The following NBEA variants were observed in gnomAD, a reference collection of about 807,000 sequenced individuals.
NBEA encodes neurobeachin.
Under a neutral mutation model 343.4 loss-of-function variants are expected in NBEA, and 44 were observed. The observed-to-expected ratio is 0.13, with a 90% CI of 0.10 to 0.16. The LOEUF (loss-of-function observed/expected upper bound fraction) is 0.16. Among genes scored for constraint, NBEA ranks in the 10% least tolerant of loss-of-function variants. The pLI is 1.00. For missense variants in NBEA, 2,555 were observed against 3,631.3 expected (o/e 0.70, Z 7.62); for synonymous variants, 1,175 against 1,238.7 (o/e 0.95, Z 1.08).
At chr13:35,048,915 T>G (rs2062961138) in intron 5 of NBEA, among the ~76,000 whole-genome samples, 2 of 151,876 alleles carry the variant, frequency 1.3e-5, no homozygotes, top group Non-Finnish European at 2.9e-5. Context: ...AATTACAGTT[T>G]AAAAGTCAAA....
chr13:35,360,454 G>T (rs2040746589), intron 38 of NBEA, among the ~76,000 whole-genome samples: 1 of 151,952 alleles, frequency 6.6e-6, no homozygotes, highest in Admixed American at 6.6e-5. Flanking sequence ...TATTATAAAT[G>T]TCCAGGATAC....
At chr13:35,648,343 C>A (rs1230898619) in intron 51 of NBEA, among the ~76,000 whole-genome samples, 1 of 152,040 alleles carries the variant, frequency 6.6e-6, no homozygotes, top group African/African-American at 2.4e-5. Flanking sequence ...GCCGTATAAA[C>A]CCCTCAGCCA....
intron 46 of NBEA, among the ~76,000 whole-genome samples, chr13:35,588,309 T>A (rs9574191): frequency 0.24 from 36,688 of 151,938 alleles, 4,891 homozygotes; most frequent in East Asian, 0.35. Flanking sequence ...TATTTATCCT[T>A]ATGGTCCAGG....
rs2036192007 is a variant in NBEA, at chr13:35,297,203, T to C, written c.5838+6753T>C. On this transcript the variant is annotated intron_variant, in intron 35 of 58. Transcript: ENST00000379939. ...AATGAAACCAACATGGTTGTTCCTG[T>C]ACCTCATATCTTCCCAATTATTTCA... Among the ~76,000 whole-genome samples, 3 of 152,140 alleles carry C rather than the reference T, an allele frequency of 2.0e-5. No individual in the cohort carries two copies. In the South Asian group the frequency reaches 6.2e-4, roughly 31 times the overall value.
intron 41 of NBEA, among the ~76,000 whole-genome samples, chr13:35,524,860 G>T (rs1009311458): frequency 1.3e-5 from 2 of 152,114 alleles, no homozygotes; most frequent in Non-Finnish European, 2.9e-5. Flanking sequence ...CAGCACACAA[G>T]GTATTGCAAG....
intron 41 of NBEA, among the ~76,000 whole-genome samples, chr13:35,478,357 C>T (rs1444241632): frequency 6.6e-6 from 1 of 152,190 alleles, no homozygotes; most frequent in Admixed American, 6.5e-5. Context: ...CCCACTTTGC[C>T]GTCATCGCGG....
intron 55 of NBEA, 123 bp from the exon 56 acceptor site, chr13:35,664,962 G>T: frequency 1.5e-6 from 1 of 684,616 alleles, no homozygotes; most frequent in African/African-American, 1.8e-5. Context: ...CTGGCTCATG[G>T]TCACACAGCT....
At chr13:35,443,054 C>A (rs564532663) in intron 39 of NBEA, among the ~76,000 whole-genome samples, 1 of 151,950 alleles carries the variant, frequency 6.6e-6, no homozygotes, top group Non-Finnish European at 1.5e-5. Flanking sequence ...TTCTTAAATT[C>A]CAATCAATTG....
At chr13:35,510,822 A>G (rs1266409330) in intron 41 of NBEA, among the ~76,000 whole-genome samples, 3 of 152,200 alleles carry the variant, frequency 2.0e-5, no homozygotes, top group Non-Finnish European at 4.4e-5. Flanking sequence ...AAAGTCCAGT[A>G]AGATTTATTA....
At chr13:35,550,685 G>A in intron 42 of NBEA, 91 bp downstream of exon 42, 2 of 800,046 alleles carry the variant, frequency 2.5e-6, no homozygotes, top group South Asian at 3.4e-5. Flanking sequence ...TTTTCCTACT[G>A]TATTTCTGAT....
chr13:35,230,990 G>T (rs1301587358), intron 33 of NBEA, among the ~76,000 whole-genome samples: 1 of 152,004 alleles, frequency 6.6e-6, no homozygotes, highest in Non-Finnish European at 1.5e-5. Flanking sequence ...GGAGGTCCTT[G>T]CTTTAGGAAT....
At chr13:35,566,177 AT>A (rs1319436170) in intron 44 of NBEA, among the ~76,000 whole-genome samples, 1 of 152,160 alleles carries the variant, frequency 6.6e-6, no homozygotes, top group African/African-American at 2.4e-5. Context: ...CCTGGCCAAC[AT>A]GGTGAAACCC....
chr13:35,042,191 TC>T (rs2152558683), intron 2 of NBEA, among the ~76,000 whole-genome samples: 1 of 152,000 alleles, frequency 6.6e-6, no homozygotes, highest in East Asian at 1.9e-4. Flanking sequence ...AATTTGATTT[TC>T]TGAGAAAATA....
chr13:35,174,552 A>G (rs558820710), intron 27 of NBEA, among the ~76,000 whole-genome samples: 1 of 152,170 alleles, frequency 6.6e-6, no homozygotes, highest in African/African-American at 2.4e-5. Flanking sequence ...CCACATATTT[A>G]TCCTATTCGT....
chr13:35,533,793 G>T (rs553953256), intron 41 of NBEA, among the ~76,000 whole-genome samples: 14 of 152,148 alleles, frequency 9.2e-5, no homozygotes, highest in African/African-American at 3.4e-4. Flanking sequence ...AGCATACACT[G>T]GCACTCCAGG....
At chr13:35,567,524 T>C (rs1052484439) in intron 45 of NBEA, among the ~76,000 whole-genome samples, 1 of 152,012 alleles carries the variant, frequency 6.6e-6, no homozygotes, top group Non-Finnish European at 1.5e-5. Flanking sequence ...AAAGGCAAAA[T>C]TTTTATTAGC....
At chr13:34,989,411 C>G (rs937886889) in intron 1 of NBEA, among the ~76,000 whole-genome samples, 1 of 150,910 alleles carries the variant, frequency 6.6e-6, no homozygotes, top group East Asian at 1.9e-4. Context: ...AGGAAACTTA[C>G]AATCATGGCA....
At chr13:35,068,796 T>A (rs1297588299) in intron 8 of NBEA, among the ~76,000 whole-genome samples, 1 of 152,162 alleles carries the variant, frequency 6.6e-6, no homozygotes, top group East Asian at 1.9e-4. Flanking sequence ...AGATAAAAAT[T>A]CAGATTTCAT....
intron 10 of NBEA, among the ~76,000 whole-genome samples, chr13:35,091,747 G>A (rs1434022572): frequency 6.6e-6 from 1 of 151,968 alleles, no homozygotes; most frequent in East Asian, 1.9e-4. Context: ...AACATGTACA[G>A]GATGTGTATG....
Sources: allele counts gnomAD v4.1 joint callset (sites outside exome capture counted in the v4.1 genomes callset), GRCh38; gene constraint gnomAD v4.1.1; transcripts MANE v1.5; gene names NCBI Gene and HGNC (gene_info 2026-07-23, HGNC 2026-07-21).